Variants in PUS7 observed in about 807,000 individuals in gnomAD.
The protein encoded by PUS7 is pseudouridine synthase 7.
In PUS7, 48 loss-of-function variants were observed where a neutral mutation model predicts 79.8. That is an observed-to-expected ratio of 0.60 (90% CI 0.48 to 0.76). PUS7 has a LOEUF of 0.76. PUS7 is among the 30% of genes least tolerant of loss of function. The probability of loss-of-function intolerance (pLI) is 0.00; values close to 1 mark genes in which losing one functional copy is unlikely to be tolerated. For missense variants in PUS7, 729 were observed against 797.6 expected (o/e 0.91, Z 1.04); for synonymous variants, 286 against 272.2 (o/e 1.05, Z -0.50).
intron 9 of PUS7, among the ~76,000 whole-genome samples, chr7:105,472,998 T>C (rs946989087): frequency 1.3e-5 from 2 of 151,034 alleles, no homozygotes; most frequent in Admixed American, 6.6e-5. Flanking sequence ...CCTGACCTTG[T>C]GACCCACCCG....
intron 14 of PUS7, among the ~76,000 whole-genome samples, chr7:105,460,815 C>T (rs1183320488): frequency 9.6e-5 from 13 of 134,964 alleles, no homozygotes; most frequent in African/African-American, 3.4e-4. Flanking sequence ...GATCGCGCCA[C>T]TGCACTCCAG....
At chr7:105,518,990 G>A (rs966446185) in intron 1 of PUS7, among the ~76,000 whole-genome samples, 3 of 151,856 alleles carry the variant, frequency 2.0e-5, no homozygotes, top group African/African-American at 7.3e-5. Flanking sequence ...AGATTGTCTC[G>A]AACTCCTGAC....
chr7:105,493,552 T>C (rs1308535257), intron 6 of PUS7, among the ~76,000 whole-genome samples: 2 of 152,318 alleles, frequency 1.3e-5, no homozygotes, highest in East Asian at 3.9e-4. Flanking sequence ...AAAATTAGTA[T>C]GTTGAAGCTC....
chr7:105,491,265 T>C (rs1039746326), intron 7 of PUS7, among the ~76,000 whole-genome samples: 1 of 152,210 alleles, frequency 6.6e-6, no homozygotes, highest in Non-Finnish European at 1.5e-5. Context: ...ATGTTCACTA[T>C]GTTGTAATTT....
intron 1 of PUS7, among the ~76,000 whole-genome samples, chr7:105,518,488 G>A (rs568792069): frequency 9.0e-5 from 13 of 145,088 alleles, no homozygotes; most frequent in Admixed American, 2.7e-4. Flanking sequence ...ATGCAGCCTC[G>A]ACCTCCCAGC....
At chr7:105,480,409 A>C (rs1824273662) in intron 9 of PUS7, among the ~76,000 whole-genome samples, 1 of 152,136 alleles carries the variant, frequency 6.6e-6, no homozygotes, top group Non-Finnish European at 1.5e-5. Flanking sequence ...TGGGAGGTGG[A>C]GATTGCAGTG....
chr7:105,475,524 GTGTT>G lies in PUS7; in HGVS notation c.1176-3335_1176-3332del, dbSNP rs1417811614. The stretch of plus-strand genomic sequence containing the variant: ...TTTTTAGTAGAGATGGGGTTTCACT[GTGTT>G]AGCTAGGATGGTCTCGATCTCCTGA... On this transcript the variant is annotated intron_variant, in intron 9 of 15. Transcript: ENST00000469408. Among the ~76,000 whole-genome samples, 4 of 151,954 alleles carry G rather than the reference GTGTT, an allele frequency of 2.6e-5. No individual in the cohort carries two copies. In the East Asian group the frequency reaches 7.7e-4, roughly 29 times the overall value.
Position 105,513,916 on chromosome 7 carries a change from A to G in PUS7, c.-32-5372T>C, listed in dbSNP as rs1189302315. On this transcript the variant is annotated intron_variant, in intron 1 of 15. Transcript: ENST00000469408. ...GTTGTTATGTCTGGAGGAGTTTAAA[A>G]AAAGAAAAAAAGCTGGCTGGGCGCG... Among the ~76,000 whole-genome samples the G allele has an allele frequency of 2.8e-5, 4 of 141,442 alleles. No individual in the cohort carries two copies. The East Asian group carries it at 8.3e-4, about 29-fold the overall frequency. 92.8% of individuals were successfully genotyped at this position (141,442 alleles called of 152,430 possible).
Position 105,522,213 on chromosome 7 carries a change from C to G in PUS7, c.-194G>C, listed in dbSNP as rs905886238. 2.6e-5 allele frequency: 4 copies of G among 151,862 alleles called. No homozygotes were observed. Among genetic ancestry groups the G allele is most frequent in the South Asian group, 4.1e-4 (2 of 4,838 alleles). The allele number at this position is 151,862 out of a possible 1,614,324, so 9.4% of individuals were successfully genotyped here. On this transcript the variant is annotated 5_prime_UTR_variant, in exon 1 of 16. Coordinates refer to ENST00000469408, the MANE Select transcript of PUS7 (RefSeq NM_019042.5). ...CGCGGAGGACCAGATGCGCTCCAGC[C>G]GACTCACCGGCGGCCGGGCTCGCAC...
intron 9 of PUS7, among the ~76,000 whole-genome samples, chr7:105,479,530 T>C (rs1824233813): frequency 6.6e-6 from 1 of 152,214 alleles, no homozygotes; most frequent in African/African-American, 2.4e-5. Flanking sequence ...TTAGTTTATG[T>C]AACAGAGTCT....
chr7:105,497,163 T>C (rs1390181031), intron 5 of PUS7, among the ~76,000 whole-genome samples: 2 of 152,212 alleles, frequency 1.3e-5, no homozygotes, highest in African/African-American at 4.8e-5. Context: ...AGGCAAACAG[T>C]GAACAAGTAG....
intron 1 of PUS7, among the ~76,000 whole-genome samples, chr7:105,517,309 C>T (rs79260651): frequency 0.066 from 10,098 of 152,020 alleles, 1,133 homozygotes; most frequent in African/African-American, 0.23. Flanking sequence ...TACAGGCATG[C>T]GCCAACACGC....
At chr7:105,510,370 T>C (rs1398660907) in intron 1 of PUS7, among the ~76,000 whole-genome samples, 11 of 152,028 alleles carry the variant, frequency 7.2e-5, no homozygotes, top group Admixed American at 7.2e-4. Context: ...GCCATACCTA[T>C]GTCATACCAC....
At chr7:105,459,863 G>T (rs1240005039) in intron 14 of PUS7, among the ~76,000 whole-genome samples, 4 of 152,152 alleles carry the variant, frequency 2.6e-5, no homozygotes, top group Non-Finnish European at 5.9e-5. Flanking sequence ...AAGCCCAGGA[G>T]TTCAAGACCA....
chr7:105,500,481 A>G (rs1457171777), intron 5 of PUS7, among the ~76,000 whole-genome samples: 1 of 152,112 alleles, frequency 6.6e-6, no homozygotes, highest in African/African-American at 2.4e-5. Context: ...AATGATTATC[A>G]CTTCCAAGAA....
intron 4 of PUS7, among the ~76,000 whole-genome samples, chr7:105,505,683 G>A (rs924013025): frequency 1.3e-5 from 2 of 152,020 alleles, no homozygotes; most frequent in African/African-American, 2.4e-5. Context: ...TTCAGCCTTC[G>A]GAGTAGCTAG....
chr7:105,481,416 G>C (rs1824315006), intron 8 of PUS7, among the ~76,000 whole-genome samples: 1 of 152,254 alleles, frequency 6.6e-6, no homozygotes, highest in East Asian at 1.9e-4. Flanking sequence ...TTATGGCAGA[G>C]GTTGCAATTT....
rs759724469 is a variant in PUS7, at chr7:105,508,267, TTCC to T, written c.243_245del (p.Glu86del). 6.2e-6 allele frequency: 10 copies of T among 1,614,176 alleles called. No homozygotes were observed. Among genetic ancestry groups the T allele is most frequent in the Non-Finnish European group, 8.5e-6 (10 of 1,180,024 alleles). On this transcript the variant is annotated inframe_deletion, in exon 2 of 16. Transcript: ENST00000469408. ...CTGAAAGTCCATCTTCCTCCTCTTCTTCCTCATCTTCCAACTGAGCCTCAGAAT... is the reference window on the plus strand; with the variant it reads ...CTGAAAGTCCATCTTCCTCCTCTTCTTCATCTTCCAACTGAGCCTCAGAAT...
chr7:105,509,365 A>G (rs911215299), intron 1 of PUS7, among the ~76,000 whole-genome samples: 1 of 152,100 alleles, frequency 6.6e-6, no homozygotes, highest in African/African-American at 2.4e-5. Flanking sequence ...CACAAGCCTT[A>G]AAAATATGTA....
Sources: gnomAD v4.1 joint callset for allele counts (sites outside exome capture counted in the v4.1 genomes callset) on GRCh38, gnomAD v4.1.1 for gene constraint, MANE v1.5 for transcripts, NCBI Gene and HGNC (gene_info 2026-07-23, HGNC 2026-07-21) for gene names.